TRIM71: variants seen among roughly 807,000 people sequenced by gnomAD.
TRIM71 encodes the protein E3 ubiquitin-protein ligase TRIM71.
A neutral mutation model predicts 61.2 loss-of-function variants in TRIM71; 9 were observed. The observed-to-expected ratio is 0.15, with a 90% confidence interval of 0.09 to 0.26. The LOEUF (loss-of-function observed/expected upper bound fraction) is 0.26. TRIM71 is among the 10% of genes least tolerant of loss of function. The probability of loss-of-function intolerance (pLI) is 1.00; values close to 1 mark genes in which losing one functional copy is unlikely to be tolerated. For missense variants in TRIM71, 998 were observed against 1,238.7 expected, an observed-to-expected ratio of 0.81 and a Z score of 2.92; for synonymous variants, 645 against 553.2, an observed-to-expected ratio of 1.17 and a Z score of -2.33.
chr3:32,821,845 C>T (rs890553304), intron 1 of TRIM71, among the ~76,000 whole-genome samples: 1 of 151,700 alleles, frequency 6.6e-6, no homozygotes, highest in African/African-American at 2.4e-5. Flanking sequence ...CAGCCCGGAG[C>T]CTGCCTCGGC....
chr3:32,844,714 G>C (rs930867872), intron 1 of TRIM71, among the ~76,000 whole-genome samples: 7 of 152,142 alleles, frequency 4.6e-5, no homozygotes, highest in African/African-American at 1.7e-4. Flanking sequence ...TAAGCAGCCT[G>C]TGATAATAAT....
At chr3:32,866,792 A>C (rs1335636048) in intron 1 of TRIM71, among the ~76,000 whole-genome samples, 1 of 151,956 alleles carries the variant, frequency 6.6e-6, no homozygotes, top group Non-Finnish European at 1.5e-5. Flanking sequence ...GCATTGGGGG[A>C]GCAGGGGCTT....
intron 1 of TRIM71, among the ~76,000 whole-genome samples, chr3:32,845,997 AG>A (rs1575347122): frequency 7.2e-6 from 1 of 139,034 alleles, no homozygotes; most frequent in East Asian, 3.4e-4. Context: ...TAAAAAACGG[AG>A]TTGGAGACTA....
intron 1 of TRIM71, among the ~76,000 whole-genome samples, chr3:32,820,626 T>C (rs1209612949): frequency 2.0e-5 from 3 of 152,198 alleles, no homozygotes; most frequent in African/African-American, 7.2e-5. Context: ...AGAGGTGCTT[T>C]TAGTTTAAAT....
At chr3:32,830,085 G>A (rs1489562962) in intron 1 of TRIM71, among the ~76,000 whole-genome samples, 5 of 151,782 alleles carry the variant, frequency 3.3e-5, no homozygotes, top group African/African-American at 1.2e-4. Context: ...CACCGTGCCC[G>A]GGTAATTTTG....
chr3:32,842,331 C>T (rs1280612009), intron 1 of TRIM71, among the ~76,000 whole-genome samples: 1 of 152,218 alleles, frequency 6.6e-6, no homozygotes, highest in Non-Finnish European at 1.5e-5. Flanking sequence ...GCTCTCCTTT[C>T]ATGACTCAAG....
intron 1 of TRIM71, among the ~76,000 whole-genome samples, chr3:32,828,473 A>AGTG (rs1208761619): frequency 6.6e-6 from 1 of 150,524 alleles, no homozygotes; most frequent in Non-Finnish European, 1.5e-5. Context: ...CTCATAGCAC[A>AGTG]GTGCCCTACA....
In TRIM71 at chr3:32,893,642, A is replaced by G. The variant is rs1265036103; in HGVS notation, c.*1831A>G. On this transcript the variant is annotated 3_prime_UTR_variant, in exon 4 of 4. Coordinates refer to ENST00000383763, the MANE Select transcript of TRIM71 (RefSeq NM_001039111.3). ...GTTTAAGAGAAATTTCTATTGCAAA[A>G]TGGGTATCGTTTTAAATGAGCAGAA... The G allele has an allele frequency of 2.6e-5, 4 of 152,340 alleles. No homozygotes were observed. Among genetic ancestry groups the G allele is most frequent in the African/African-American group, 9.6e-5 (4 of 41,580 alleles). The allele number at this position is 152,340 out of a possible 1,614,324, so 9.4% of individuals were successfully genotyped here.
At chr3:32,864,113 C>G (rs1329840064) in intron 1 of TRIM71, among the ~76,000 whole-genome samples, 1 of 152,196 alleles carries the variant, frequency 6.6e-6, no homozygotes, top group Non-Finnish European at 1.5e-5. Context: ...GTTGCCCAAG[C>G]TGGAGTGCAG....
rs530780256 is a variant in TRIM71 at position 32,827,441 on chromosome 3, T to C, written c.852+8509T>C. 1.4e-4 allele frequency among the ~76,000 whole-genome samples: 22 copies of C among 152,016 alleles called. No individual in the cohort carries two copies. In the East Asian group the frequency reaches 3.1e-3, roughly 21 times the overall value. On this transcript the variant is annotated intron_variant, in intron 1 of 3. Coordinates refer to ENST00000383763, the MANE Select transcript of TRIM71 (RefSeq NM_001039111.3). ...CCATGCCTGACTAATTTTGTATTTT[T>C]AGTAGAGATGGGGTTTTGCCATATT...
Position 32,891,069 on chromosome 3 carries a change from T to C in TRIM71, c.1865T>C (p.Val622Ala). The change falls in exon 4 of 4, where the codon GTC (valine) becomes GCC (alanine). Residue 622 changes from valine (V) to alanine (A), a missense_variant. Around this residue, in one of 5 missense-constraint regions of TRIM71, gnomAD observed 83 missense variants for 202.7 expected, o/e 0.41. Coordinates refer to ENST00000383763, the MANE Select transcript of TRIM71 (RefSeq NM_001039111.3). The surrounding 1 kb of genome is among the most constrained non-coding windows in gnomAD (Gnocchi z 8.2). The part of the protein sequence containing the change: ...VSVDKEGYII[V>A]ADRSNNRIQV... ...GTAGACAAGGAGGGCTACATCATTG[T>C]CGCCGACCGCAGCAACAACCGCATC... 2 of 1,612,352 alleles carry C rather than the reference T, an allele frequency of 1.2e-6. No individual in the cohort carries two copies. The highest frequency in any genetic ancestry group is 1.7e-6 in the Non-Finnish European group (2 of 1,179,896).
At position 32,873,062 on chromosome 3, in the gene TRIM71, TTC is replaced by T. The variant is rs1491546940; in HGVS notation, c.853-755_853-754del. Among the ~76,000 whole-genome samples, 248 of 83,400 alleles carry T rather than the reference TTC, an allele frequency of 3.0e-3. 3 individuals are homozygous for T. The highest frequency in any genetic ancestry group is 7.8e-3 in the African/African-American group (204 of 25,992). 54.7% of individuals were successfully genotyped at this position (83,400 alleles called of 152,430 possible). ...AAGGTTGTGCCAGCCCTTCTCTCTC[TTC>T]CTCCCTCCCTCCCTCCCTCCCTCCC... On this transcript the variant is annotated intron_variant, in intron 1 of 3. Coordinates refer to ENST00000383763, the MANE Select transcript of TRIM71 (RefSeq NM_001039111.3).
chr3:32,818,498 C>T lies in TRIM71; in HGVS notation c.418C>T (p.Pro140Ser), dbSNP rs772413434. Residue 140 changes from proline (P) to serine (S), a missense_variant, in exon 1 of 4, where the codon CCG becomes TCG. Around this residue, in one of 5 missense-constraint regions of TRIM71, gnomAD observed 527 missense variants for 427.8 expected, o/e 1.23. Coordinates refer to ENST00000383763, the MANE Select transcript of TRIM71 (RefSeq NM_001039111.3). The stretch of plus-strand genomic sequence containing the variant: ...GCCCAAGAACGGGCGCGCCGGCGCT[C>T]CGGCGGGAGCGGGCGGCCACAGCAA... ...PPPKNGRAGA[P>S]AGAGGHSNHR... is the part of the protein sequence containing the mutation. 7.0e-7 allele frequency: 1 copy of T among 1,423,234 alleles called. No individual in the cohort carries two copies. The allele number at this position is 1,423,234 out of a possible 1,614,324, so 88.2% of individuals were successfully genotyped here.
rs971623151 is a variant in TRIM71, at chr3:32,818,867, C to A, written c.787C>A (p.Pro263Thr). The A allele has an allele frequency of 1.2e-6, 2 of 1,612,490 alleles. No individual in the cohort carries two copies. Among genetic ancestry groups the A allele is most frequent in the African/African-American group, 2.7e-5 (2 of 75,042 alleles). ...CGGGCTCGGGCCGCCCTTTCCCGGC[C>A]CGCCCTTCTCCATCCTCTCAGTGTT... ...QLGLGPPFPG[P>T]PFSILSVFPE... The change falls in exon 1 of 4, where the codon CCG (proline) becomes ACG (threonine). Residue 263 changes from proline (P) to threonine (T), a missense_variant. Coordinates refer to ENST00000383763, the MANE Select transcript of TRIM71 (RefSeq NM_001039111.3).
intron 1 of TRIM71, among the ~76,000 whole-genome samples, chr3:32,864,845 GGTGTGTGTGT>G (rs10522411): frequency 0.059 from 8,654 of 146,346 alleles, 286 homozygotes; most frequent in Non-Finnish European, 0.075. Flanking sequence ...AAAATTAAGT[GGTGTGTGTGT>G]GTGTGTGTGT....
At chr3:32,873,744 C>A in intron 1 of TRIM71, 74 bp from the exon 2 acceptor site, 1 of 1,362,520 alleles carries the variant, frequency 7.3e-7, no homozygotes, top group Non-Finnish European at 9.7e-7. Flanking sequence ...AGAGCCAGGG[C>A]CCTCCAGTTG....
intron 2 of TRIM71, among the ~76,000 whole-genome samples, chr3:32,876,677 G>T (rs1474713136): frequency 6.6e-6 from 1 of 152,178 alleles, no homozygotes; most frequent in Non-Finnish European, 1.5e-5. Flanking sequence ...ACTCTCTTAA[G>T]AGATTGAAAA....
Position 32,871,590 on chromosome 3 carries a change from T to TA in TRIM71, c.853-2223dup, listed in dbSNP as rs1696796222. Among the ~76,000 whole-genome samples, 3 of 152,326 alleles carry TA rather than the reference T, an allele frequency of 2.0e-5. No homozygotes were observed. In the South Asian group the frequency reaches 6.2e-4, roughly 32 times the overall value. ...GTAGAATTGCTTTAGCACCAGGTCGTAAAAAGGGATTGGCCAGGAATTTTT... is the reference window on the plus strand; with the variant it reads ...GTAGAATTGCTTTAGCACCAGGTCGTAAAAAAGGGATTGGCCAGGAATTTTT... On this transcript the variant is annotated intron_variant, in intron 1 of 3. Transcript: ENST00000383763.
chr3:32,827,299 T>C (rs1696214464), intron 1 of TRIM71, among the ~76,000 whole-genome samples: 1 of 143,870 alleles, frequency 7.0e-6, no homozygotes, highest in African/African-American at 2.6e-5. Flanking sequence ...AGTCTCACTC[T>C]GTTGCCTAGG....
Sources: allele counts gnomAD v4.1 joint callset (sites outside exome capture counted in the v4.1 genomes callset), GRCh38; gene constraint gnomAD v4.1.1; regional missense constraint gnomAD v4.1.1; non-coding constraint Gnocchi (gnomAD v3.1); transcripts MANE v1.5; gene names NCBI Gene and HGNC (gene_info 2026-07-23, HGNC 2026-07-21).